The following CARNMT1 variants were observed in gnomAD, a reference collection of about 807,000 sequenced individuals.
The protein encoded by CARNMT1 is protein-L-histidine N-pros-methyltransferase CARNMT1.
In CARNMT1, 28 loss-of-function variants were observed where a neutral mutation model predicts 49.6. That is an observed-to-expected ratio of 0.56 (90% confidence interval 0.42 to 0.77). The LOEUF is 0.77. CARNMT1 is among the 30% of genes least tolerant of loss of function. The probability of loss-of-function intolerance (pLI) is 0.00; values close to 1 mark genes in which losing one functional copy is unlikely to be tolerated. For synonymous variants in CARNMT1, 178 were observed against 175.0 expected (o/e 1.02, Z -0.13); for missense variants, 421 against 512.6 (o/e 0.82, Z 1.73).
intron 1 of CARNMT1, among the ~76,000 whole-genome samples, chr9:75,024,292 C>T (rs754304868): frequency 6.6e-6 from 1 of 152,180 alleles, no homozygotes; most frequent in Non-Finnish European, 1.5e-5. Flanking sequence ...CATTAATGCA[C>T]AGTAAAATTT....
intron 1 of CARNMT1, among the ~76,000 whole-genome samples, chr9:75,021,288 CATAGTATATAT>C (rs1035372443): frequency 1.5e-5 from 2 of 131,916 alleles, no homozygotes; most frequent in Admixed American, 7.7e-5. Context: ...ATAGTATATA[CATAGTATATAT>C]ACTACTATAT....
intron 3 of CARNMT1, 143 bp from the exon 4 acceptor site, chr9:75,000,013 TAAATATCAA>T: frequency 1.5e-6 from 1 of 648,750 alleles, no homozygotes; most frequent in Non-Finnish European, 2.5e-6. Context: ...GAAATACTTC[TAAATATCAA>T]AAATAAAAGG....
At position 74,983,693 on chromosome 9, in the gene CARNMT1, T is replaced by C. The variant is rs1832744247; in HGVS notation, c.*74A>G. 1 of 821,798 alleles carries C rather than the reference T, an allele frequency of 1.2e-6. No individual in the cohort carries two copies. The highest frequency in any genetic ancestry group is 1.7e-5 in the African/African-American group (1 of 58,608). 50.9% of individuals were successfully genotyped at this position (821,798 alleles called of 1,614,324 possible). On this transcript the variant is annotated 3_prime_UTR_variant, in exon 8 of 8. Coordinates refer to ENST00000376834, the MANE Select transcript of CARNMT1 (RefSeq NM_152420.3). Reference sequence around the variant, plus strand: ...TGAGGTTGTGTCCTGTCATCACTGATAGTTGATTTTGAGTCGTTGATTTCA... The same window carrying C: ...TGAGGTTGTGTCCTGTCATCACTGACAGTTGATTTTGAGTCGTTGATTTCA...
intron 6 of CARNMT1, among the ~76,000 whole-genome samples, chr9:74,988,261 T>C (rs1033476199): frequency 1.3e-5 from 2 of 152,106 alleles, no homozygotes; most frequent in Admixed American, 6.5e-5. Flanking sequence ...AGCAAAGATA[T>C]GTTTTTTTCT....
At chr9:75,027,932 A>C (rs1822579039) in intron 1 of CARNMT1, 80 bp downstream of exon 1, 1 of 1,399,040 alleles carries the variant, frequency 7.1e-7, no homozygotes, top group Non-Finnish European at 9.3e-7. Flanking sequence ...CGGGACGGCG[A>C]GCGCCCCCGT....
rs1382279443 is a variant in CARNMT1 at position 74,998,793 on chromosome 9, T to C, written c.732-17A>G. The C allele has an allele frequency of 1.4e-6, 2 of 1,449,454 alleles. No individual in the cohort carries two copies. Among genetic ancestry groups the C allele is most frequent in the Non-Finnish European group, 1.9e-6 (2 of 1,077,444 alleles). The allele number at this position is 1,449,454 out of a possible 1,614,324, so 89.8% of individuals were successfully genotyped here. A position where few individuals can be genotyped will look rare whatever the true frequency, so the allele number is the denominator to read the frequency against. ...TCAGAACATCTGCAAAATATGAGTA[T>C]AAAATCAGGTGTTAACTAAATATTT... On this transcript the variant is annotated splice_polypyrimidine_tract_variant and intron_variant, in intron 4 of 7. Transcript: ENST00000376834.
At chr9:74,997,349 C>T (rs578129128) in intron 5 of CARNMT1, among the ~76,000 whole-genome samples, 2 of 152,284 alleles carry the variant, frequency 1.3e-5, no homozygotes, top group Admixed American at 6.5e-5. Context: ...TAAACAAAAA[C>T]TTTCTATGTT....
At chr9:75,026,838 T>A (rs926538065) in intron 1 of CARNMT1, among the ~76,000 whole-genome samples, 2 of 152,238 alleles carry the variant, frequency 1.3e-5, no homozygotes, top group Non-Finnish European at 2.9e-5. Context: ...ATGAGAAATG[T>A]ATTTCTTTGC....
chr9:74,996,154 G>A, intron 6 of CARNMT1: 1 of 228,228 alleles, frequency 4.4e-6, no homozygotes, highest in Non-Finnish European at 8.6e-6. Flanking sequence ...GTCTCAGCAT[G>A]TGGGATGGTG....
intron 6 of CARNMT1, chr9:74,996,161 G>A (rs1380651805): frequency 1.3e-5 from 3 of 229,622 alleles, no homozygotes; most frequent in East Asian, 1.0e-4. Flanking sequence ...CATGTGGGAT[G>A]GTGATAATGA....
At chr9:74,993,237 A>G (rs1833082830) in intron 6 of CARNMT1, among the ~76,000 whole-genome samples, 1 of 152,192 alleles carries the variant, frequency 6.6e-6, no homozygotes, top group South Asian at 2.1e-4. Flanking sequence ...GAACATAAGA[A>G]ATACAGAATA....
chr9:74,996,092 T>C (rs1210086982), intron 6 of CARNMT1: 1 of 164,902 alleles, frequency 6.1e-6, no homozygotes, highest in East Asian at 1.7e-4. Flanking sequence ...CCCCGCATGC[T>C]TCATTATAGA....
At chr9:75,028,405 G>C (rs1445639735), upstream of CARNMT1, 3 of 1,290,988 alleles carry the variant, frequency 2.3e-6, no homozygotes, top group African/African-American at 3.1e-5. Flanking sequence ...GCTGGGCTCC[G>C]CCAGGTCTTC....
chr9:74,991,978 T>TA (rs1254842354), intron 6 of CARNMT1, among the ~76,000 whole-genome samples: 4 of 152,044 alleles, frequency 2.6e-5, no homozygotes, highest in Non-Finnish European at 2.9e-5. Flanking sequence ...AATCTCGTTT[T>TA]AAAAAATTCT....
At chr9:74,996,963 C>CA (rs1272329719) in intron 5 of CARNMT1, among the ~76,000 whole-genome samples, 1 of 152,192 alleles carries the variant, frequency 6.6e-6, no homozygotes, top group African/African-American at 2.4e-5. Flanking sequence ...AGAAAGACTG[C>CA]AGGCACCAGT....
chr9:75,013,107 G>A (rs1241505960), intron 3 of CARNMT1, among the ~76,000 whole-genome samples: 1 of 152,042 alleles, frequency 6.6e-6, no homozygotes, highest in Non-Finnish European at 1.5e-5. Context: ...ATTCTCATAA[G>A]TATATACAGG....
At chr9:75,027,874 G>T in intron 1 of CARNMT1, 138 bp downstream of exon 1, 1 of 980,210 alleles carries the variant, frequency 1.0e-6, no homozygotes, top group Non-Finnish European at 1.4e-6. Context: ...CTCGGGGCCC[G>T]GAGGTCAGCT....
chr9:75,028,336 C>G, upstream of CARNMT1: 2 of 1,310,060 alleles, frequency 1.5e-6, no homozygotes, highest in Non-Finnish European at 1.9e-6. Context: ...GCGCCCGCCG[C>G]GGACATGCCC....
intron 3 of CARNMT1, among the ~76,000 whole-genome samples, chr9:75,011,971 T>C (rs1281101459): frequency 2.6e-5 from 4 of 152,302 alleles, no homozygotes; most frequent in Middle Eastern, 3.4e-3. Context: ...GATTGCTGCC[T>C]TGTAAGCTCC....
Sources: gnomAD v4.1 joint callset for allele counts (sites outside exome capture counted in the v4.1 genomes callset) on GRCh38, gnomAD v4.1.1 for gene constraint, MANE v1.5 for transcripts, NCBI Gene and HGNC (gene_info 2026-07-23, HGNC 2026-07-21) for gene names.